The following ATP13A3 variants were observed in gnomAD, a reference collection of about 807,000 sequenced individuals.
ATP13A3 encodes the protein polyamine-transporting ATPase 13A3.
Under a neutral mutation model 158.1 loss-of-function variants are expected in ATP13A3, and 59 were observed. That is an observed-to-expected ratio of 0.37 (90% CI 0.30 to 0.46). The LOEUF is 0.46. ATP13A3 is among the 20% of genes least tolerant of loss of function. ATP13A3 has a pLI of 1.00. For synonymous variants in ATP13A3, 491 were observed against 504.3 expected (o/e 0.97, Z 0.35); for missense variants, 1,166 against 1,525.2 (o/e 0.76, Z 3.92).
chr3:194,467,760 A>G (rs1267124701), intron 2 of ATP13A3: 4 of 152,202 alleles, frequency 2.6e-5, no homozygotes, highest in Non-Finnish European at 5.9e-5. Context: ...AGGATAAAAA[A>G]CCACATAAAC....
At chr3:194,454,138 T>A (rs915926393) in intron 9 of ATP13A3, 120 bp downstream of exon 9, 1 of 1,040,576 alleles carries the variant, frequency 9.6e-7, no homozygotes, top group Non-Finnish European at 1.4e-6. Flanking sequence ...CATATATTCA[T>A]GCAACTAAAA....
At chr3:194,478,789 G>A (rs553925547) in intron 2 of ATP13A3, among the ~76,000 whole-genome samples, 1 of 152,276 alleles carries the variant, frequency 6.6e-6, no homozygotes, top group African/African-American at 2.4e-5. Flanking sequence ...CTGGACTTGT[G>A]CAATGCAACA....
chr3:194,471,253 T>C (rs1720287276), intron 2 of ATP13A3, among the ~76,000 whole-genome samples: 2 of 149,374 alleles, frequency 1.3e-5, no homozygotes, highest in African/African-American at 5.0e-5. Flanking sequence ...GATTTATTTC[T>C]ATCTCCTCTA....
In ATP13A3 at chr3:194,494,167, T is replaced by C. The variant is rs1378148008; in HGVS notation, n.629A>G. 12 of 398,536 alleles carry C rather than the reference T, an allele frequency of 3.0e-5. No individual in the cohort carries two copies. The highest frequency in any genetic ancestry group is 1.3e-3 in the Middle Eastern group (2 of 1,588). The allele number at this position is 398,536 out of a possible 1,614,324, so 24.7% of individuals were successfully genotyped here. A position where few individuals can be genotyped will look rare whatever the true frequency, so the allele number is the denominator to read the frequency against. Reference sequence around the variant, plus strand: ...GAATGAGTTCATCTCGCATCAAAACTCTGGATTATCTGTTTAAGCACCCAG... The same window carrying C: ...GAATGAGTTCATCTCGCATCAAAACCCTGGATTATCTGTTTAAGCACCCAG... On this transcript the variant is annotated non_coding_transcript_exon_variant, in exon 2 of 33. Transcript: ENST00000687055. The surrounding 1 kb of genome is among the most constrained non-coding windows in gnomAD (Gnocchi z 4.2).
At chr3:194,464,127 C>T (rs570212756) in intron 2 of ATP13A3, among the ~76,000 whole-genome samples, 1 of 152,222 alleles carries the variant, frequency 6.6e-6, no homozygotes, top group African/African-American at 2.4e-5. Context: ...CCTCACTGCA[C>T]TCCAGCCTGG....
At chr3:194,447,324 C>A (rs1718473915) in intron 13 of ATP13A3, among the ~76,000 whole-genome samples, 1 of 152,084 alleles carries the variant, frequency 6.6e-6, no homozygotes, top group African/African-American at 2.4e-5. Flanking sequence ...TATAGAATGA[C>A]AGCTACTTTC....
chr3:194,488,160 C>A (rs1351583680), upstream of ATP13A3: 2 of 152,454 alleles, frequency 1.3e-5, no homozygotes, highest in Non-Finnish European at 2.9e-5. The surrounding 1 kb of genome is among the most constrained non-coding windows in gnomAD (Gnocchi z 4.1). Context: ...GCTTTCTCTT[C>A]CCAATCCCTG....
Position 194,409,693 on chromosome 3 carries a change from ATTTTTTT to A in ATP13A3, c.3573+2499_3573+2505del, listed in dbSNP as rs71179358. Among the ~76,000 whole-genome samples, 290 of 94,014 alleles carry A rather than the reference ATTTTTTT, an allele frequency of 3.1e-3. 2 individuals are homozygous for A. Among genetic ancestry groups the A allele is most frequent in the African/African-American group, 0.013 (273 of 20,370 alleles). The allele number at this position is 94,014 out of a possible 152,430, so 61.7% of individuals were successfully genotyped here. ...TGCTTGATAATCACTGACGTAAAGA[ATTTTTTT>A]TTTTTTTTTTTTTTTTTTTTGGTCA... On this transcript the variant is annotated intron_variant, in intron 33 of 33. Coordinates refer to ENST00000645319, the MANE Select transcript of ATP13A3 (RefSeq NM_001367549.1).
At chr3:194,419,208 A>T (rs1716111940) in intron 31 of ATP13A3, among the ~76,000 whole-genome samples, 1 of 152,232 alleles carries the variant, frequency 6.6e-6, no homozygotes, top group African/African-American at 2.4e-5. Context: ...CATTTTCATG[A>T]AGTTCAAGAG....
At chr3:194,443,724 G>T (rs544652228) in intron 15 of ATP13A3, among the ~76,000 whole-genome samples, 1 of 152,106 alleles carries the variant, frequency 6.6e-6, no homozygotes, top group Admixed American at 6.5e-5. Context: ...ACAGGGGGAG[G>T]GGGGAAGACA....
chr3:194,447,559 T>C (rs776384450), intron 13 of ATP13A3, among the ~76,000 whole-genome samples: 7 of 150,808 alleles, frequency 4.6e-5, no homozygotes, highest in Non-Finnish European at 7.4e-5. Context: ...TTGGTGATTA[T>C]GTGGGGGGGT....
chr3:194,454,481 C>G (rs1165555966), intron 8 of ATP13A3, 89 bp from the exon 9 acceptor site: 1 of 1,312,392 alleles, frequency 7.6e-7, no homozygotes, highest in East Asian at 2.4e-5. Context: ...CAAAAAGATA[C>G]AAATATGTAC....
chr3:194,475,531 T>C (rs1344392454), intron 2 of ATP13A3, among the ~76,000 whole-genome samples: 2 of 152,188 alleles, frequency 1.3e-5, no homozygotes, highest in Non-Finnish European at 2.9e-5. Flanking sequence ...CTACCCACGC[T>C]AACCCAGCAT....
chr3:194,447,786 A>G (rs1718504382), intron 13 of ATP13A3, 66 bp downstream of exon 13: 2 of 1,394,524 alleles, frequency 1.4e-6, no homozygotes, highest in Non-Finnish European at 9.8e-7. Context: ...CACATTTCAA[A>G]TCCTCAATAG....
chr3:194,449,534 C>T (rs1477079627), intron 11 of ATP13A3, among the ~76,000 whole-genome samples: 2 of 152,046 alleles, frequency 1.3e-5, no homozygotes. Context: ...AAAAATTAGC[C>T]ATGCATGGTG....
chr3:194,444,889 T>C, intron 14 of ATP13A3, 103 bp from the exon 15 acceptor site: 1 of 829,676 alleles, frequency 1.2e-6, no homozygotes, highest in African/African-American at 1.7e-5. Flanking sequence ...GAAACTATGC[T>C]ACATATAACA....
intron 30 of ATP13A3, among the ~76,000 whole-genome samples, chr3:194,421,136 A>AATATATATATATATAT (rs1491477047): frequency 3.3e-4 from 1 of 3,022 alleles, no homozygotes; most frequent in South Asian, 0.013. Flanking sequence ...ATATATATAT[A>AATATATATATATATAT]GTATATATAT....
chr3:194,485,024 T>C (rs1298550798), intron 2 of ATP13A3, among the ~76,000 whole-genome samples: 12 of 148,058 alleles, frequency 8.1e-5, no homozygotes, highest in African/African-American at 3.0e-4. Flanking sequence ...ACCACTGCAC[T>C]CCAGCCTGGG....
chr3:194,484,855 C>A (rs1228294965), intron 2 of ATP13A3, among the ~76,000 whole-genome samples: 1 of 151,910 alleles, frequency 6.6e-6, no homozygotes. Flanking sequence ...CAGTAGTTCA[C>A]GACCAGCCTG....
Sources: allele counts gnomAD v4.1 joint callset (sites outside exome capture counted in the v4.1 genomes callset), GRCh38; gene constraint gnomAD v4.1.1; non-coding constraint Gnocchi (gnomAD v3.1); transcripts MANE v1.5; gene names NCBI Gene and HGNC (gene_info 2026-07-23, HGNC 2026-07-21).